ADORA1: variants seen among roughly 807,000 people sequenced by gnomAD.
ADORA1 encodes the protein adenosine A1 receptor.
A neutral mutation model predicts 19.9 loss-of-function variants in ADORA1; 6 were observed. The ratio of observed to expected loss-of-function variants is 0.30; its 90% CI spans 0.17 to 0.59. The LOEUF (loss-of-function observed/expected upper bound fraction) is 0.59, where lower values mean the gene tolerates loss of function less well. ADORA1 is among the 20% of genes least tolerant of loss of function. The probability of loss-of-function intolerance (pLI) is 0.87; values close to 1 mark genes in which losing one functional copy is unlikely to be tolerated. For missense variants in ADORA1, 302 were observed against 439.2 expected, an observed-to-expected ratio of 0.69 and a Z score of 2.79; for synonymous variants, 194 against 188.4, an observed-to-expected ratio of 1.03 and a Z score of -0.24.
intron 3 of ADORA1, among the ~76,000 whole-genome samples, chr1:203,163,186 G>T (rs1655425025): frequency 6.6e-6 from 1 of 152,214 alleles, no homozygotes; most frequent in Non-Finnish European, 1.5e-5. Context: ...TTTCCAGGTG[G>T]CCATTTGTCT....
At chr1:203,151,217 T>C (rs1471369194) in intron 3 of ADORA1, among the ~76,000 whole-genome samples, 1 of 152,180 alleles carries the variant, frequency 6.6e-6, no homozygotes, top group Non-Finnish European at 1.5e-5. Flanking sequence ...ATATCTCCAG[T>C]ATCCTCCCTG....
intron 3 of ADORA1, chr1:203,150,858 C>T (rs1006612075): frequency 1.0e-5 from 13 of 1,253,300 alleles, no homozygotes; most frequent in Admixed American, 2.4e-5. Flanking sequence ...GGGCTAGGTG[C>T]TGTGAGCTTT....
At chr1:203,131,100 G>A (rs553581677) in intron 3 of ADORA1, among the ~76,000 whole-genome samples, 1 of 152,320 alleles carries the variant, frequency 6.6e-6, no homozygotes, top group South Asian at 2.1e-4. Flanking sequence ...CGAAGCACTT[G>A]TATTAATATT....
intron 3 of ADORA1, among the ~76,000 whole-genome samples, chr1:203,145,630 C>T (rs1654834711): frequency 6.6e-6 from 1 of 152,246 alleles, no homozygotes; most frequent in Non-Finnish European, 1.5e-5. Context: ...CACCTGCTTG[C>T]TGTGTGCCCG....
In ADORA1 at chr1:203,150,506, G is replaced by A. The variant is rs1006164921; in HGVS notation, c.342-14755G>A. On this transcript the variant is annotated intron_variant, in intron 3 of 3. Transcript: ENST00000337894. ...AGAGAGCATCAGGAGATACCAGGAG[G>A]GTCAATGGAAAACTGCTGGGTCCTG... 12 of 832,614 alleles carry A rather than the reference G, an allele frequency of 1.4e-5. No individual in the cohort carries two copies. In the African/African-American group the frequency reaches 2.2e-4, roughly 15 times the overall value. The allele number at this position is 832,614 out of a possible 1,614,324, so 51.6% of individuals were successfully genotyped here. A position where few individuals can be genotyped will look rare whatever the true frequency, so the allele number is the denominator to read the frequency against.
intron 3 of ADORA1, among the ~76,000 whole-genome samples, chr1:203,139,746 G>A (rs111447585): frequency 1.3e-5 from 2 of 152,210 alleles, no homozygotes; most frequent in Non-Finnish European, 1.5e-5. Context: ...AGCAGGGAGC[G>A]AGAGCCCATG....
intron 3 of ADORA1, among the ~76,000 whole-genome samples, chr1:203,161,284 A>G (rs897676955): frequency 3.3e-5 from 5 of 152,128 alleles, no homozygotes; most frequent in African/African-American, 9.7e-5. Context: ...AATTCATACT[A>G]TGGAGTTCAT....
rs533190538 is a variant in ADORA1 at position 203,165,373 on chromosome 1, G to A, written c.454G>A (p.Val152Met). 9 of 1,599,248 alleles carry A rather than the reference G, an allele frequency of 5.6e-6. 1 individual carries two copies. In the South Asian group the frequency reaches 1.0e-4, roughly 18 times the overall value. The change falls in exon 4 of 4, where the codon GTG (valine) becomes ATG (methionine). Residue 152 changes from valine to methionine, a missense_variant. Val to Met is a conservative substitution (Grantham distance 21). Transcript: ENST00000337894. This position sits in a 1 kb window ranked among gnomAD's most constrained non-coding sequence, Gnocchi z 5.9. Reference protein sequence around the residue: ...PMFGWNNLSAVERAWAANGSM... With the variant: ...PMFGWNNLSAMERAWAANGSM... ...GTTTGGCTGGAACAATCTGAGTGCG[G>A]TGGAGCGGGCCTGGGCAGCCAACGG...
intron 3 of ADORA1, among the ~76,000 whole-genome samples, chr1:203,162,763 T>C (rs1655410924): frequency 1.3e-5 from 2 of 152,204 alleles, no homozygotes; most frequent in Admixed American, 6.5e-5. Context: ...GATTCCCTTA[T>C]CTGCTGTGCT....
chr1:203,128,819 G>A lies in ADORA1; in HGVS notation c.-23G>A. The stretch of plus-strand genomic sequence containing the variant: ...TCGTGCCCCTTGGTGCCCGTCTGCT[G>A]ATGTGCCCAGCCTGTGCCCGCCATG... On this transcript the variant is annotated 5_prime_UTR_variant, in exon 3 of 4. The change abolishes the stop of an existing upstream ORF in the 5' untranslated region. Transcript: ENST00000337894. The surrounding 1 kb of genome is among the most constrained non-coding windows in gnomAD (Gnocchi z 5.9). The A allele has an allele frequency of 6.4e-7, 1 of 1,569,670 alleles. No homozygotes were observed. The highest frequency in any genetic ancestry group is 8.6e-7 in the Non-Finnish European group (1 of 1,161,232).
chr1:203,138,148 C>G (rs1654569389), intron 3 of ADORA1, among the ~76,000 whole-genome samples: 1 of 152,148 alleles, frequency 6.6e-6, no homozygotes, highest in Non-Finnish European at 1.5e-5. Flanking sequence ...ACTTTTACTT[C>G]TAAGCAACTG....
chr1:203,156,076 A>T (rs1412503723), intron 3 of ADORA1, among the ~76,000 whole-genome samples: 1 of 152,232 alleles, frequency 6.6e-6, no homozygotes, highest in East Asian at 1.9e-4. Flanking sequence ...TTATTCATTC[A>T]TTCAACAAAT....
chr1:203,157,572 C>T (rs1247749117), intron 3 of ADORA1, among the ~76,000 whole-genome samples: 2 of 152,226 alleles, frequency 1.3e-5, no homozygotes, highest in Middle Eastern at 3.2e-3. Flanking sequence ...CTCCAGGAGG[C>T]ATTGCCCTGG....
chr1:203,141,174 G>GGGATGGGGGAGCCCCAGGGCTA (rs1175848780), intron 3 of ADORA1, among the ~76,000 whole-genome samples: 4 of 152,268 alleles, frequency 2.6e-5, no homozygotes, highest in Admixed American at 1.3e-4. Flanking sequence ...CCCCAGGGCT[G>GGGATGGGGGAGCCCCAGGGCTA]GCATGGGGGC....
intron 3 of ADORA1, among the ~76,000 whole-genome samples, chr1:203,137,889 T>A (rs567648467): frequency 6.6e-6 from 1 of 152,238 alleles, no homozygotes; most frequent in African/African-American, 2.4e-5. Context: ...AACTTTTATA[T>A]GTGGAGTCAA....
At chr1:203,154,963 G>C (rs796704525) in intron 3 of ADORA1, among the ~76,000 whole-genome samples, 1 of 151,794 alleles carries the variant, frequency 6.6e-6, no homozygotes, top group East Asian at 1.9e-4. Flanking sequence ...ATGTGTCTTC[G>C]CTGGTTGGTC....
In ADORA1 at chr1:203,148,601, A is replaced by G. The variant is rs138375258; in HGVS notation, c.342-16660A>G. On this transcript the variant is annotated intron_variant, in intron 3 of 3. Coordinates refer to ENST00000337894, the MANE Select transcript of ADORA1 (RefSeq NM_000674.3). ...CTAGCCAGCCAGTGTGCTCTATTGG[A>G]GACAGTGGGCACCAGCTGAGGAGGT... Among the ~76,000 whole-genome samples the G allele has an allele frequency of 6.7e-3, 1,017 of 152,198 alleles. 7 individuals carry two copies. The highest frequency in any genetic ancestry group is 0.012 in the Non-Finnish European group (788 of 68,012).
chr1:203,132,432 GGTGTTT>G (rs1654372417), intron 3 of ADORA1, among the ~76,000 whole-genome samples: 2 of 152,158 alleles, frequency 1.3e-5, no homozygotes, highest in South Asian at 4.2e-4. Flanking sequence ...AGGGATGGTG[GGTGTTT>G]GCGAGTCAGG....
At chr1:203,135,212 C>T (rs974677501) in intron 3 of ADORA1, among the ~76,000 whole-genome samples, 29 of 152,090 alleles carry the variant, frequency 1.9e-4, no homozygotes, top group African/African-American at 6.0e-4. Flanking sequence ...GCAGGCATGC[C>T]GGAAAAATTT....
Sources: gnomAD v4.1 joint callset for allele counts (sites outside exome capture counted in the v4.1 genomes callset) on GRCh38, gnomAD v4.1.1 for gene constraint, Gnocchi (gnomAD v3.1) non-coding constraint, MANE v1.5 for transcripts, NCBI Gene and HGNC (gene_info 2026-07-23, HGNC 2026-07-21) for gene names.